Variants in CHL1 observed in about 807,000 individuals in gnomAD.
CHL1 encodes the protein cell adhesion molecule L1 like.
Under a neutral mutation model 141.9 loss-of-function variants are expected in CHL1, and 96 were observed. That is an observed-to-expected ratio of 0.68 (90% confidence interval 0.57 to 0.80). The LOEUF is 0.80. Among genes scored for constraint, CHL1 ranks in the 30% least tolerant of loss-of-function variants. CHL1 has a pLI of 0.00. For missense variants in CHL1, 1,820 were observed against 1,457.2 expected (o/e 1.25, Z -4.05); for synonymous variants, 613 against 502.2 (o/e 1.22, Z -2.95).
Position 389,533 on chromosome 3 carries a change from G to T in CHL1, c.2470+59G>T. On this transcript the variant is annotated intron_variant, in intron 20 of 27. Coordinates refer to ENST00000256509, the MANE Select transcript of CHL1 (RefSeq NM_006614.4). The stretch of plus-strand genomic sequence containing the variant: ...AGTAACTGTTGCTTTCAAATATATT[G>T]TACTTCAATCAACAAATATTTGTGA... 3.1e-6 allele frequency: 4 copies of T among 1,303,898 alleles called. No homozygotes were observed. The South Asian group carries it at 4.8e-5, about 16-fold the overall frequency. The allele number at this position is 1,303,898 out of a possible 1,614,324, so 80.8% of individuals were successfully genotyped here. A position where few individuals can be genotyped will look rare whatever the true frequency, so the allele number is the denominator to read the frequency against.
intron 12 of CHL1, among the ~76,000 whole-genome samples, chr3:360,694 C>T (rs1260409431): frequency 2.7e-5 from 4 of 149,026 alleles, no homozygotes; most frequent in African/African-American, 7.6e-5. Flanking sequence ...CACCCACTAA[C>T]TCGTCATCTA....
chr3:390,259 T>C (rs542822279), intron 20 of CHL1, among the ~76,000 whole-genome samples: 1 of 152,368 alleles, frequency 6.6e-6, no homozygotes, highest in South Asian at 2.1e-4. Context: ...AGAACAGAGA[T>C]AATAATATCC....
At chr3:234,186 T>C (rs913259147) in intron 1 of CHL1, among the ~76,000 whole-genome samples, 3 of 93,060 alleles carry the variant, frequency 3.2e-5, no homozygotes, top group African/African-American at 8.0e-5. Flanking sequence ...GGTATATGTG[T>C]GTGTGTGTAT....
At chr3:231,628 A>C (rs1001552775) in intron 1 of CHL1, among the ~76,000 whole-genome samples, 2 of 127,164 alleles carry the variant, frequency 1.6e-5, no homozygotes, top group Non-Finnish European at 3.1e-5. Flanking sequence ...CCCAGGCTGG[A>C]GTGCAGTGGC....
At chr3:252,433 GT>G (rs1693794355) in intron 2 of CHL1, among the ~76,000 whole-genome samples, 1 of 129,954 alleles carries the variant, frequency 7.7e-6, no homozygotes, top group Admixed American at 8.6e-5. Flanking sequence ...TCTCACTCAT[GT>G]TTTGATTAAT....
chr3:306,428 T>A (rs1014101935), intron 2 of CHL1, among the ~76,000 whole-genome samples: 27 of 152,168 alleles, frequency 1.8e-4, no homozygotes, highest in Admixed American at 9.2e-4. Context: ...TATACCTTTT[T>A]GAATTTGAAT....
chr3:286,846 C>CATTT (rs952352453), intron 2 of CHL1, among the ~76,000 whole-genome samples: 23 of 152,090 alleles, frequency 1.5e-4, no homozygotes, highest in Non-Finnish European at 4.4e-5. Context: ...GTTGCCATGG[C>CATTT]ATTTGTAAAC....
intron 19 of CHL1, among the ~76,000 whole-genome samples, chr3:387,836 G>C (rs980081621): frequency 6.6e-6 from 1 of 151,862 alleles, no homozygotes; most frequent in African/African-American, 2.4e-5. Flanking sequence ...TTTTCATTTT[G>C]TTTTGATTTT....
chr3:378,136 A>AT (rs901495776), intron 16 of CHL1, among the ~76,000 whole-genome samples, 194 bp downstream of exon 16: 2 of 152,024 alleles, frequency 1.3e-5, no homozygotes, highest in Admixed American at 6.6e-5. Flanking sequence ...TTAATGCTTA[A>AT]TTTTTTTTCC....
At chr3:277,137 T>A (rs962292098) in intron 2 of CHL1, among the ~76,000 whole-genome samples, 17 of 152,268 alleles carry the variant, frequency 1.1e-4, no homozygotes, top group African/African-American at 4.1e-4. Flanking sequence ...TATGTAGTGT[T>A]TGTTACATGA....
chr3:204,916 T>G (rs915848869), intron 1 of CHL1, among the ~76,000 whole-genome samples: 1 of 152,156 alleles, frequency 6.6e-6, no homozygotes, highest in African/African-American at 2.4e-5. Context: ...AGAAACAGGT[T>G]GTTAGCCCAT....
At chr3:239,600 A>T (rs536967876) in intron 1 of CHL1, among the ~76,000 whole-genome samples, 1 of 136,548 alleles carries the variant, frequency 7.3e-6, no homozygotes, top group East Asian at 2.0e-4. Context: ...TATATAAAAT[A>T]TATATATTTT....
intron 17 of CHL1, 69 bp downstream of exon 17, chr3:382,349 A>C (rs545918831): frequency 3.1e-5 from 47 of 1,492,400 alleles, no homozygotes; most frequent in Non-Finnish European, 4.0e-5. Context: ...GTCACTTTTT[A>C]ACCACTCTTA....
At chr3:369,111 T>C (rs560296592) in intron 15 of CHL1, among the ~76,000 whole-genome samples, 1 of 152,066 alleles carries the variant, frequency 6.6e-6, no homozygotes, top group South Asian at 2.1e-4. Flanking sequence ...TTTAAAGTAG[T>C]TTTTTTTCTA....
intron 23 of CHL1, among the ~76,000 whole-genome samples, chr3:392,194 A>T (rs530869597): frequency 6.6e-6 from 1 of 152,196 alleles, no homozygotes; most frequent in Non-Finnish European, 1.5e-5. Flanking sequence ...CACGTGTTTA[A>T]TGTTTATATA....
chr3:228,491 A>G (rs1177241394), intron 1 of CHL1, among the ~76,000 whole-genome samples: 1 of 152,192 alleles, frequency 6.6e-6, no homozygotes, highest in African/African-American at 2.4e-5. Context: ...ACACACACAC[A>G]CACACACACA....
chr3:249,156 A>C (rs1693450484), intron 2 of CHL1, among the ~76,000 whole-genome samples: 1 of 152,196 alleles, frequency 6.6e-6, no homozygotes, highest in South Asian at 2.1e-4. Context: ...TTGGAAAGGA[A>C]ACAAACCAGC....
At chr3:391,820 G>C (rs201375090) in intron 23 of CHL1, 23 bp downstream of exon 23, 89 of 1,553,086 alleles carry the variant, frequency 5.7e-5, no homozygotes, top group Middle Eastern at 5.2e-4. Context: ...TTGAATTGGA[G>C]TTAACTTGTT....
chr3:253,570 A>T (rs1378020052), intron 2 of CHL1, among the ~76,000 whole-genome samples: 2 of 152,120 alleles, frequency 1.3e-5, no homozygotes, highest in African/African-American at 2.4e-5. Context: ...GGTTCCTGTG[A>T]CCCACTAATG....
Sources: gnomAD v4.1 joint callset for allele counts (sites outside exome capture counted in the v4.1 genomes callset) on GRCh38, gnomAD v4.1.1 for gene constraint, MANE v1.5 for transcripts, NCBI Gene and HGNC (gene_info 2026-07-23, HGNC 2026-07-21) for gene names.